KPNA4: variants seen among roughly 807,000 people sequenced by gnomAD.
The protein encoded by KPNA4 is importin subunit alpha-3.
KPNA4 carries 13 observed loss-of-function variants against 71.3 expected under a neutral mutation model. The observed-to-expected ratio is 0.18, with a 90% confidence interval of 0.12 to 0.29. The LOEUF (loss-of-function observed/expected upper bound fraction) is 0.29. KPNA4 is among the 10% of genes least tolerant of loss of function. The pLI, the probability that KPNA4 is intolerant of heterozygous loss-of-function variation, is 1.00. For missense variants in KPNA4, 334 were observed against 603.2 expected (o/e 0.55, Z 4.67); for synonymous variants, 189 against 195.2 (o/e 0.97, Z 0.26).
At chr3:160,518,415 G>T (rs1254326226) in intron 11 of KPNA4, among the ~76,000 whole-genome samples, 2 of 151,282 alleles carry the variant, frequency 1.3e-5, no homozygotes, top group African/African-American at 4.8e-5. Flanking sequence ...GATTACAGGC[G>T]TGAGCCACCG....
rs1722326322 is a variant in KPNA4 at position 160,565,323 on chromosome 3, G to A, written c.-41C>T. On this transcript the variant is annotated 5_prime_UTR_variant, in exon 1 of 17. Coordinates refer to ENST00000334256, the MANE Select transcript of KPNA4 (RefSeq NM_002268.5). ...TCCTTCCCCCGCCCGGGCCCCGCGG[G>A]ATCCGCCCCAACCAACGCGCCGCAC... The A allele has an allele frequency of 1.3e-6, 2 of 1,522,668 alleles. No homozygotes were observed. Among genetic ancestry groups the A allele is most frequent in the South Asian group, 2.4e-5 (2 of 83,890 alleles). The allele number at this position is 1,522,668 out of a possible 1,614,324, so 94.3% of individuals were successfully genotyped here.
chr3:160,540,493 G>A (rs56197102), intron 1 of KPNA4, among the ~76,000 whole-genome samples: 76,952 of 151,850 alleles, frequency 0.51, 20,016 homozygotes, highest in Non-Finnish European at 0.55. Flanking sequence ...ATAGAGCAAG[G>A]GTTTTCTTTT....
Position 160,508,189 on chromosome 3 carries a change from T to C in KPNA4, c.1290A>G (p.Val430=), listed in dbSNP as rs1453572115. The C allele has an allele frequency of 1.9e-6, 3 of 1,612,170 alleles. No individual in the cohort carries two copies. The highest frequency in any genetic ancestry group is 2.5e-6 in the Non-Finnish European group (3 of 1,178,924). The stretch of plus-strand genomic sequence containing the variant: ...ATATATTACTTAGTCCATCGAGTAC[T>C]ACTTGCACAACTTGTGCATCTTTTA... ...LTVKDAQVVQ[V]VLDGLSNILK... Residue 430 remains valine (V), a synonymous_variant, in exon 15 of 17, where the codon GTA becomes GTG. Coordinates refer to ENST00000334256, the MANE Select transcript of KPNA4 (RefSeq NM_002268.5).
In KPNA4 at chr3:160,497,773, C is replaced by T. The variant is rs1333430330; in HGVS notation, c.*4331G>A. On this transcript the variant is annotated 3_prime_UTR_variant, in exon 17 of 17. Transcript: ENST00000334256. ...TCAAAACGCCAATGGTGGATTCTAACTGAAATTTTATATATAAATGGTAGA... is the reference window on the plus strand; with the variant it reads ...TCAAAACGCCAATGGTGGATTCTAATTGAAATTTTATATATAAATGGTAGA... The T allele has an allele frequency of 2.6e-5, 4 of 152,218 alleles. No homozygotes were observed. The East Asian group carries it at 5.8e-4, about 22-fold the overall frequency. The allele number at this position is 152,218 out of a possible 1,614,324, so 9.4% of individuals were successfully genotyped here.
intron 10 of KPNA4, among the ~76,000 whole-genome samples, chr3:160,522,848 C>CA (rs1390670940): frequency 7.6e-5 from 10 of 131,408 alleles, no homozygotes; most frequent in East Asian, 4.3e-4. Flanking sequence ...GTAATTAAAA[C>CA]AAAAAATACG....
chr3:160,524,914 G>T (rs1275661615), intron 10 of KPNA4, among the ~76,000 whole-genome samples: 1 of 152,196 alleles, frequency 6.6e-6, no homozygotes, highest in East Asian at 1.9e-4. Context: ...AAATTGTAAA[G>T]AAATGAAGCA....
intron 10 of KPNA4, among the ~76,000 whole-genome samples, chr3:160,525,336 T>A (rs1050101397): frequency 6.6e-6 from 1 of 152,056 alleles, no homozygotes; most frequent in African/African-American, 2.4e-5. Context: ...TACAAATCCA[T>A]GCACAAACAT....
chr3:160,529,486 T>A (rs988496899), intron 7 of KPNA4, among the ~76,000 whole-genome samples: 1 of 152,174 alleles, frequency 6.6e-6, no homozygotes, highest in Non-Finnish European at 1.5e-5. Flanking sequence ...TTATCTTTTC[T>A]AAGTAATATT....
At position 160,524,646 on chromosome 3, in the gene KPNA4, T is replaced by A. The variant is rs1721426454; in HGVS notation, c.771+1154A>T. 2.0e-5 allele frequency among the ~76,000 whole-genome samples: 3 copies of A among 152,332 alleles called. No individual in the cohort carries two copies. The South Asian group carries it at 6.2e-4, about 32-fold the overall frequency. On this transcript the variant is annotated intron_variant, in intron 10 of 16. Coordinates refer to ENST00000334256, the MANE Select transcript of KPNA4 (RefSeq NM_002268.5). ...GGCATAAGCCACCACACCTGGCCTCTTGTAAATCTTTCAAAGCAAAATATT... is the reference window on the plus strand; with the variant it reads ...GGCATAAGCCACCACACCTGGCCTCATGTAAATCTTTCAAAGCAAAATATT...
intron 12 of KPNA4, chr3:160,514,902 C>A (rs1365182222): frequency 2.0e-6 from 1 of 508,994 alleles, no homozygotes; most frequent in South Asian, 1.4e-5. Flanking sequence ...GTATACTAGG[C>A]TCTTTTGGAT....
At chr3:160,556,405 A>C (rs1722138208) in intron 1 of KPNA4, among the ~76,000 whole-genome samples, 1 of 152,152 alleles carries the variant, frequency 6.6e-6, no homozygotes, top group Non-Finnish European at 1.5e-5. Flanking sequence ...ATATACTGCC[A>C]TCCTAGTGGG....
intron 5 of KPNA4, 56 bp from the exon 6 acceptor site, chr3:160,531,613 A>G: frequency 1.2e-6 from 1 of 849,466 alleles, no homozygotes; most frequent in Non-Finnish European, 1.8e-6. Flanking sequence ...ATTATGATTA[A>G]ATATAAATTC....
intron 5 of KPNA4, among the ~76,000 whole-genome samples, chr3:160,535,025 ATTAATC>A (rs1331639243): frequency 1.3e-5 from 2 of 151,936 alleles, no homozygotes; most frequent in Non-Finnish European, 2.9e-5. Context: ...CCCGGCCGTC[ATTAATC>A]TTAATCTACA....
At chr3:160,544,173 T>C (rs144364457) in intron 1 of KPNA4, among the ~76,000 whole-genome samples, 1,577 of 152,076 alleles carry the variant, frequency 0.01, 26 homozygotes, top group Admixed American at 0.013. Flanking sequence ...GACCTTTCAA[T>C]AGCTAGTTTT....
chr3:160,538,417 G>T (rs1421308525), intron 1 of KPNA4, among the ~76,000 whole-genome samples: 1 of 151,932 alleles, frequency 6.6e-6, no homozygotes, highest in African/African-American at 2.4e-5. Context: ...ATGGTTAACT[G>T]GCTACATTGA....
chr3:160,558,795 T>C (rs1722190903), intron 1 of KPNA4, among the ~76,000 whole-genome samples: 1 of 152,168 alleles, frequency 6.6e-6, no homozygotes, highest in Non-Finnish European at 1.5e-5. Context: ...ATTGATGCCA[T>C]AGGGGTAAGA....
In KPNA4 at chr3:160,504,923, T is replaced by C. The variant is rs536728107; in HGVS notation, c.1467+35A>G. The C allele has an allele frequency of 1.1e-4, 107 of 1,006,444 alleles. 2 individuals are homozygous for C. The South Asian group carries it at 2.0e-3, about 19-fold the overall frequency. The allele number at this position is 1,006,444 out of a possible 1,614,324, so 62.3% of individuals were successfully genotyped here. On this transcript the variant is annotated intron_variant, in intron 16 of 16. Transcript: ENST00000334256. ...TACTTTATCCAGATCTATGTTTATA[T>C]ATAAAATTAAGAAAACTACAAAATT... is the stretch of plus-strand genomic sequence containing the variant.
intron 1 of KPNA4, among the ~76,000 whole-genome samples, chr3:160,551,458 G>A (rs1722038946): frequency 6.6e-6 from 1 of 152,096 alleles, no homozygotes; most frequent in Non-Finnish European, 1.5e-5. Flanking sequence ...AGTTCTATCT[G>A]GAAGCACAAA....
intron 1 of KPNA4, among the ~76,000 whole-genome samples, chr3:160,560,372 G>A (rs1882127): frequency 0.5 from 76,095 of 151,788 alleles, 19,641 homozygotes; most frequent in Non-Finnish European, 0.55. Flanking sequence ...TAGGTGCTCA[G>A]AAAGTTCCCT....
Sources: allele counts gnomAD v4.1 joint callset (sites outside exome capture counted in the v4.1 genomes callset), GRCh38; gene constraint gnomAD v4.1.1; transcripts MANE v1.5; gene names NCBI Gene and HGNC (gene_info 2026-07-23, HGNC 2026-07-21).